The following KHDRBS3 variants were observed in gnomAD, a reference collection of about 807,000 sequenced individuals.
The protein encoded by KHDRBS3 is KH domain-containing, RNA-binding, signal transduction-associated protein 3.
In KHDRBS3, 23 loss-of-function variants were observed where a neutral mutation model predicts 45.6. That is an observed-to-expected ratio of 0.50 (90% CI 0.36 to 0.72). The LOEUF is 0.72. Among genes scored for constraint, KHDRBS3 ranks in the 30% least tolerant of loss-of-function variants. The pLI is 0.00. For missense variants in KHDRBS3, 352 were observed against 424.8 expected (o/e 0.83, Z 1.51); for synonymous variants, 162 against 156.5 (o/e 1.04, Z -0.26).
chr8:135,580,403 A>G (rs1406685579), intron 5 of KHDRBS3, among the ~76,000 whole-genome samples: 2 of 152,144 alleles, frequency 1.3e-5, no homozygotes, highest in Non-Finnish European at 2.9e-5. Context: ...AAGATCATTA[A>G]CTATTGATTA....
chr8:135,588,028 C>A (rs917815980), intron 6 of KHDRBS3, among the ~76,000 whole-genome samples: 1 of 152,128 alleles, frequency 6.6e-6, no homozygotes, highest in Non-Finnish European at 1.5e-5. Context: ...CTGCAGACAT[C>A]GACTGTGTGT....
At chr8:135,590,938 C>T (rs901723012) in intron 6 of KHDRBS3, among the ~76,000 whole-genome samples, 4 of 152,164 alleles carry the variant, frequency 2.6e-5, no homozygotes, top group African/African-American at 9.7e-5. Flanking sequence ...GGCTTAATCA[C>T]CTTTAAAGGT....
At position 135,536,983 on chromosome 8, in the gene KHDRBS3, A is replaced by G. The variant is rs1190831138; in HGVS notation, c.208-5671A>G. On this transcript the variant is annotated intron_variant, in intron 2 of 8. Coordinates refer to ENST00000355849, the MANE Select transcript of KHDRBS3 (RefSeq NM_006558.3). ...CTCCATCTCAAAAAAAAAAAAAAAA[A>G]AAAAAAAAAAAAAAGGAGATGTTTA... Among the ~76,000 whole-genome samples the G allele has an allele frequency of 5.2e-4, 29 of 55,626 alleles. 2 individuals carry two copies. In the South Asian group the frequency reaches 0.012, roughly 23 times the overall value. 36.5% of individuals were successfully genotyped at this position (55,626 alleles called of 152,430 possible). A position where few individuals can be genotyped will look rare whatever the true frequency, so the allele number is the denominator to read the frequency against.
At chr8:135,495,070 T>A (rs188041481) in intron 1 of KHDRBS3, among the ~76,000 whole-genome samples, 8 of 152,368 alleles carry the variant, frequency 5.3e-5, no homozygotes, top group African/African-American at 1.9e-4. Context: ...AGTGGAATTC[T>A]GTGGAAAATG....
At chr8:135,536,710 C>G (rs185815773) in intron 2 of KHDRBS3, among the ~76,000 whole-genome samples, 1,583 of 151,752 alleles carry the variant, frequency 0.01, 15 homozygotes, top group Non-Finnish European at 0.016. Flanking sequence ...CCTGTAATCC[C>G]AGCACTTTGG....
chr8:135,610,423 T>C (rs926236471), intron 7 of KHDRBS3, among the ~76,000 whole-genome samples: 1 of 151,912 alleles, frequency 6.6e-6, no homozygotes, highest in Admixed American at 6.6e-5. Flanking sequence ...ATATGACAGA[T>C]GATAAGCATT....
intron 2 of KHDRBS3, chr8:135,541,266 A>G (rs2130768199): frequency 6.6e-6 from 1 of 152,316 alleles, no homozygotes; most frequent in East Asian, 1.9e-4. Context: ...ATAAAAGTAA[A>G]TGGGGAGCTA....
intron 1 of KHDRBS3, among the ~76,000 whole-genome samples, chr8:135,496,259 GTC>G (rs1422886392): frequency 6.6e-6 from 1 of 151,494 alleles, no homozygotes; most frequent in Non-Finnish European, 1.5e-5. Flanking sequence ...TTGAGACAGA[GTC>G]TTGCTCTGAT....
chr8:135,625,883 T>C, intron 7 of KHDRBS3: 1 of 773,476 alleles, frequency 1.3e-6, no homozygotes. Context: ...GTTCGATCTT[T>C]GTCACGTTCA....
chr8:135,607,023 C>T lies in KHDRBS3; in HGVS notation c.876C>T (p.Ser292=), dbSNP rs1829495598. Residue 292 remains serine (S), a synonymous_variant, in exon 7 of 9, where the codon AGC becomes AGT. Coordinates refer to ENST00000355849, the MANE Select transcript of KHDRBS3 (RefSeq NM_006558.3). ...QSYDSYDNSY[S]TPAQSGADYY... Reference sequence around the variant, plus strand: ...ATGATTCCTATGATAACAGCTATAGCACCCCAGCCCAAAGGTAAGAGTCAG... The same window carrying T: ...ATGATTCCTATGATAACAGCTATAGTACCCCAGCCCAAAGGTAAGAGTCAG... 6.2e-7 allele frequency: 1 copy of T among 1,612,728 alleles called. No individual in the cohort carries two copies. The highest frequency in any genetic ancestry group is 8.5e-7 in the Non-Finnish European group (1 of 1,179,052).
chr8:135,581,771 T>A, intron 5 of KHDRBS3, 107 bp from the exon 6 acceptor site: 1 of 945,702 alleles, frequency 1.1e-6, no homozygotes, highest in Non-Finnish European at 1.5e-6. Flanking sequence ...TCTTCCTTTT[T>A]ACAAAAATAT....
At chr8:135,554,047 C>T (rs1206551308) in intron 4 of KHDRBS3, among the ~76,000 whole-genome samples, 1 of 152,068 alleles carries the variant, frequency 6.6e-6, no homozygotes, top group Admixed American at 6.6e-5. Context: ...AAACAGTCAC[C>T]TAGAATTTTA....
intron 2 of KHDRBS3, chr8:135,541,573 C>T (rs997215822): frequency 6.6e-6 from 1 of 152,068 alleles, no homozygotes; most frequent in African/African-American, 2.4e-5. Context: ...ACTTCAATTG[C>T]CATAGTTAGG....
At chr8:135,543,627 G>A (rs370731299) in intron 3 of KHDRBS3, among the ~76,000 whole-genome samples, 1 of 152,198 alleles carries the variant, frequency 6.6e-6, no homozygotes, top group Non-Finnish European at 1.5e-5. Flanking sequence ...GTCAGGCGCT[G>A]TGTGAAACAT....
At chr8:135,639,597 C>A (rs1487648369) in intron 7 of KHDRBS3, among the ~76,000 whole-genome samples, 1 of 152,180 alleles carries the variant, frequency 6.6e-6, no homozygotes, top group Admixed American at 6.5e-5. Flanking sequence ...CCATTGTATT[C>A]AAGCCATTTT....
intron 1 of KHDRBS3, chr8:135,458,287 TATGTC>T: frequency 1.3e-6 from 1 of 795,226 alleles, no homozygotes; most frequent in Non-Finnish European, 1.6e-6. Flanking sequence ...GAGGTTGAAT[TATGTC>T]ATGGAAGGGG....
chr8:135,490,691 GC>G (rs1823103551), intron 1 of KHDRBS3, among the ~76,000 whole-genome samples: 1 of 152,138 alleles, frequency 6.6e-6, no homozygotes, highest in Non-Finnish European at 1.5e-5. Context: ...TGTTTCTGAA[GC>G]CCCCATCTGT....
intron 7 of KHDRBS3, among the ~76,000 whole-genome samples, chr8:135,631,082 C>T (rs1041803338): frequency 2.0e-5 from 3 of 151,948 alleles, no homozygotes; most frequent in African/African-American, 7.2e-5. Context: ...GACCCCATCT[C>T]TACTAAAAAT....
chr8:135,500,617 A>C (rs910311603), intron 1 of KHDRBS3, among the ~76,000 whole-genome samples: 2 of 152,160 alleles, frequency 1.3e-5, no homozygotes, highest in Non-Finnish European at 2.9e-5. Context: ...ATGAAAAATA[A>C]AGCTCAGAAA....
Sources: allele counts gnomAD v4.1 joint callset (sites outside exome capture counted in the v4.1 genomes callset), GRCh38; gene constraint gnomAD v4.1.1; transcripts MANE v1.5; gene names NCBI Gene and HGNC (gene_info 2026-07-23, HGNC 2026-07-21).